Variants in SLC15A4 observed in about 807,000 individuals in gnomAD.
The protein encoded by SLC15A4 is hPHT1.
A neutral mutation model predicts 46.1 loss-of-function variants in SLC15A4; 26 were observed. That is an observed-to-expected ratio of 0.56 (90% CI 0.41 to 0.78). The LOEUF is 0.78. SLC15A4 is among the 30% of genes least tolerant of loss of function. SLC15A4 has a pLI of 0.00. For synonymous variants in SLC15A4, 370 were observed against 333.4 expected (o/e 1.11, Z -1.20); for missense variants, 751 against 755.7 (o/e 0.99, Z 0.07).
intron 1 of SLC15A4, among the ~76,000 whole-genome samples, chr12:128,823,126 C>T (rs946067606): frequency 1.1e-4 from 17 of 152,216 alleles, no homozygotes; most frequent in African/African-American, 3.9e-4. Flanking sequence ...GCGTGAGCCA[C>T]CGCGCCCGGC....
At chr12:128,798,270 T>C (rs1454781771) in intron 7 of SLC15A4, among the ~76,000 whole-genome samples, 1 of 152,246 alleles carries the variant, frequency 6.6e-6, no homozygotes, top group Admixed American at 6.5e-5. Context: ...CTGTTCATCT[T>C]CAGGAGAAGG....
rs539381714 is a variant in SLC15A4 at position 128,812,765 on chromosome 12, T to TA, written c.842+2009dup. ...CCATGAGATGAATCCATCTCCGCTG[T>TA]AAAAAAAGGAAAGCTGGGCTTCGCA... On this transcript the variant is annotated intron_variant, in intron 2 of 7. Coordinates refer to ENST00000266771, the MANE Select transcript of SLC15A4 (RefSeq NM_145648.4). Among the ~76,000 whole-genome samples, 343 of 152,256 alleles carry TA rather than the reference T, an allele frequency of 2.3e-3. 1 individual carries two copies. The highest frequency in any genetic ancestry group is 4.6e-3 in the Admixed American group (70 of 15,292).
rs149837040 is a variant in SLC15A4, at chr12:128,809,990, C to A, written c.964G>T (p.Val322Phe). The A allele has an allele frequency of 1.2e-5, 19 of 1,614,112 alleles. No individual in the cohort carries two copies. Among genetic ancestry groups the A allele is most frequent in the Middle Eastern group, 1.7e-4 (1 of 6,060 alleles). Reference sequence around the variant, plus strand: ...GGTATCAAAGCCAAGAAAACAGGGACAATCTTGACCAGAGCTTTCACATCT... The same window carrying A: ...GGTATCAAAGCCAAGAAAACAGGGAAAATCTTGACCAGAGCTTTCACATCT... ...VEDVKALVKI[V>F]PVFLALIPYW... Residue 322 changes from valine (V) to phenylalanine (F), a missense_variant, in exon 3 of 8, where the codon GTC becomes TTC. By Grantham distance (50) the Val-to-Phe change is conservative. Transcript: ENST00000266771.
intron 7 of SLC15A4, among the ~76,000 whole-genome samples, chr12:128,798,449 C>G (rs1458469633): frequency 6.6e-6 from 1 of 152,218 alleles, no homozygotes; most frequent in Non-Finnish European, 1.5e-5. Context: ...GGCCTATACT[C>G]ATGGAAGGGC....
At chr12:128,811,045 T>A (rs1169125390) in intron 2 of SLC15A4, among the ~76,000 whole-genome samples, 1 of 152,200 alleles carries the variant, frequency 6.6e-6, no homozygotes, top group Non-Finnish European at 1.5e-5. Context: ...CGAGTTTCAC[T>A]TCCTTGCTCT....
intron 1 of SLC15A4, among the ~76,000 whole-genome samples, chr12:128,819,279 C>T (rs1165743199): frequency 6.6e-6 from 1 of 152,128 alleles, no homozygotes; most frequent in African/African-American, 2.4e-5. Flanking sequence ...TGGCTCACAC[C>T]TGTAGTCCCA....
At chr12:128,806,810 C>T (rs1955594735) in intron 5 of SLC15A4, among the ~76,000 whole-genome samples, 1 of 151,902 alleles carries the variant, frequency 6.6e-6, no homozygotes, top group Admixed American at 6.6e-5. Context: ...CCCATAGGCG[C>T]CAACACTCAG....
chr12:128,822,942 G>A (rs182528578), intron 1 of SLC15A4, among the ~76,000 whole-genome samples: 69 of 152,206 alleles, frequency 4.5e-4, no homozygotes, highest in Middle Eastern at 3.4e-3. Context: ...TCCGAAACTC[G>A]TAGGCTCAAG....
intron 5 of SLC15A4, among the ~76,000 whole-genome samples, chr12:128,805,606 C>T (rs1390710725): frequency 6.6e-6 from 1 of 152,126 alleles, no homozygotes; most frequent in Non-Finnish European, 1.5e-5. Flanking sequence ...GATCTCAGCT[C>T]ACTGCAACCT....
intron 5 of SLC15A4, among the ~76,000 whole-genome samples, chr12:128,807,846 G>C (rs1221263694): frequency 6.6e-6 from 1 of 152,218 alleles, no homozygotes; most frequent in African/African-American, 2.4e-5. Flanking sequence ...CCAGTCTCTA[G>C]AACAGAGATT....
chr12:128,805,889 AAG>A (rs1235771505), intron 5 of SLC15A4, among the ~76,000 whole-genome samples: 1 of 152,150 alleles, frequency 6.6e-6, no homozygotes, highest in African/African-American at 2.4e-5. Context: ...AACACAAAAA[AAG>A]AAAAACCTGG....
chr12:128,821,159 G>A (rs931287847), intron 1 of SLC15A4, among the ~76,000 whole-genome samples: 3 of 152,162 alleles, frequency 2.0e-5, no homozygotes, highest in Non-Finnish European at 4.4e-5. Flanking sequence ...TTCCATTATA[G>A]ATGACTGAGC....
Position 128,823,728 on chromosome 12 carries a change from C to A in SLC15A4, c.216G>T (p.Ala72=). The change falls in exon 1 of 8, where the codon GCG becomes GCT. Residue 72 remains alanine (A), a synonymous_variant. Coordinates refer to ENST00000266771, the MANE Select transcript of SLC15A4 (RefSeq NM_145648.4). The stretch of plus-strand genomic sequence containing the variant: ...AGAGCAGCAGCGCCTCGCTGGCCTG[C>A]GCGCCCTCCCAGCAGAACGGCGCCC... ...LNGAPFCWEG[A]QASEALLLFM... 1.3e-6 allele frequency: 2 copies of A among 1,538,806 alleles called. No homozygotes were observed. The highest frequency in any genetic ancestry group is 1.7e-6 in the Non-Finnish European group (2 of 1,151,598).
intron 5 of SLC15A4, among the ~76,000 whole-genome samples, chr12:128,804,561 C>T (rs1260857884): frequency 6.6e-6 from 1 of 152,142 alleles, no homozygotes; most frequent in Admixed American, 6.5e-5. Flanking sequence ...GAAACCCCGT[C>T]TCTACTAAAA....
Position 128,794,319 on chromosome 12 carries a change from A to G in SLC15A4, c.1611T>C (p.Phe537=), listed in dbSNP as rs1059312. Residue 537 remains phenylalanine, a synonymous_variant, in exon 8 of 8, where the codon TTT becomes TTC. Transcript: ENST00000266771. ...TAGCTCCTTGAATAGCAGCCAGAAG[A>G]AAAAAGTAATAGTTCAAATAGCAGC... ...INGCYLNYYF[F]LLAAIQGATL... is the part of the protein sequence containing the mutation. The G allele has an allele frequency of 0.41, 654,462 of 1,612,388 alleles. 134,993 individuals are homozygous for G. Among genetic ancestry groups the G allele is most frequent in the Admixed American group, 0.58 (34,763 of 59,626 alleles).
At chr12:128,804,005 G>T (rs1249776116) in intron 5 of SLC15A4, among the ~76,000 whole-genome samples, 5 of 152,152 alleles carry the variant, frequency 3.3e-5, no homozygotes, top group Non-Finnish European at 7.3e-5. Context: ...CATCCCCATG[G>T]CCTCAGGCCC....
intron 5 of SLC15A4, 65 bp downstream of exon 5, chr12:128,808,723 C>G (rs922326088): frequency 3.2e-6 from 5 of 1,554,578 alleles, no homozygotes; most frequent in Admixed American, 1.8e-5. Context: ...CGTGTGAGCA[C>G]TATATTCTGA....
intron 5 of SLC15A4, 192 bp from the exon 6 acceptor site, chr12:128,801,201 C>T (rs916254954): frequency 1.9e-6 from 1 of 524,014 alleles, no homozygotes; most frequent in African/African-American, 1.9e-5. Flanking sequence ...GAGTGGAGGT[C>T]ATGGCATAGC....
chr12:128,820,968 G>A (rs1180094654), intron 1 of SLC15A4, among the ~76,000 whole-genome samples: 1 of 152,126 alleles, frequency 6.6e-6, no homozygotes, highest in African/African-American at 2.4e-5. Context: ...GGCTGTCACA[G>A]GAGTGAACTC....
Sources: allele counts gnomAD v4.1 joint callset (sites outside exome capture counted in the v4.1 genomes callset), GRCh38; gene constraint gnomAD v4.1.1; transcripts MANE v1.5; gene names NCBI Gene and HGNC (gene_info 2026-07-23, HGNC 2026-07-21).